Variants in MCTP1 observed in about 807,000 individuals in gnomAD.
MCTP1 encodes the protein multiple C2 and transmembrane domain-containing protein 1.
A neutral mutation model predicts 120.6 loss-of-function variants in MCTP1; 69 were observed. The observed-to-expected ratio is 0.57, with a 90% CI of 0.47 to 0.70. MCTP1 has a LOEUF of 0.70. MCTP1 is among the 30% of genes least tolerant of loss of function. The probability of loss-of-function intolerance (pLI) is 0.00; values close to 1 mark genes in which losing one functional copy is unlikely to be tolerated. For synonymous variants in MCTP1, 529 were observed against 493.1 expected, an observed-to-expected ratio of 1.07 and a Z score of -0.96; for missense variants, 1,203 against 1,248.8, an observed-to-expected ratio of 0.96 and a Z score of 0.55.
chr5:95,279,105 T>C (rs568478129), intron 1 of MCTP1, among the ~76,000 whole-genome samples: 162 of 152,348 alleles, frequency 1.1e-3, no homozygotes, highest in South Asian at 4.8e-3. Context: ...TAAAGTTATG[T>C]GGACATATTA....
intron 2 of MCTP1, among the ~76,000 whole-genome samples, chr5:95,003,124 G>T (rs1245750859): frequency 6.6e-6 from 1 of 152,142 alleles, no homozygotes; most frequent in Non-Finnish European, 1.5e-5. Flanking sequence ...TAAGTTTCCT[G>T]AGGCCTCCCC....
At chr5:94,825,587 A>T (rs1029595358) in intron 17 of MCTP1, among the ~76,000 whole-genome samples, 2 of 152,050 alleles carry the variant, frequency 1.3e-5, no homozygotes, top group Non-Finnish European at 2.9e-5. Flanking sequence ...TCAAGTCCTG[A>T]ACATCCCTGT....
chr5:95,044,640 G>A (rs562292667), intron 1 of MCTP1, among the ~76,000 whole-genome samples: 85 of 151,740 alleles, frequency 5.6e-4, no homozygotes, highest in Non-Finnish European at 1.1e-3. Context: ...TTTCCACTTT[G>A]ACCTCCCTCT....
intron 1 of MCTP1, among the ~76,000 whole-genome samples, chr5:95,079,139 T>C (rs1475288396): frequency 6.6e-6 from 1 of 152,172 alleles, no homozygotes; most frequent in Non-Finnish European, 1.5e-5. Flanking sequence ...ACCATCTCCA[T>C]AGCTTTCCTA....
At chr5:95,211,329 G>C (rs1408204621) in intron 1 of MCTP1, among the ~76,000 whole-genome samples, 1 of 152,066 alleles carries the variant, frequency 6.6e-6, no homozygotes, top group East Asian at 1.9e-4. Context: ...ACGTAGATTT[G>C]GTCTTTTCAC....
chr5:95,012,370 G>A (rs905634807), intron 2 of MCTP1, among the ~76,000 whole-genome samples: 1 of 152,094 alleles, frequency 6.6e-6, no homozygotes, highest in Non-Finnish European at 1.5e-5. Flanking sequence ...ATGGCCTGGA[G>A]TACATACATT....
At chr5:95,219,470 A>C (rs1413211576) in intron 1 of MCTP1, among the ~76,000 whole-genome samples, 1 of 152,194 alleles carries the variant, frequency 6.6e-6, no homozygotes, top group Admixed American at 6.5e-5. Context: ...GTAAATAATA[A>C]AGTCATGTGT....
chr5:95,013,264 G>T (rs1360986648), intron 2 of MCTP1, among the ~76,000 whole-genome samples: 1 of 152,136 alleles, frequency 6.6e-6, no homozygotes, highest in Non-Finnish European at 1.5e-5. Context: ...TTTAAGGAAA[G>T]AAGCCATCTC....
chr5:94,780,519 G>A (rs2152942162), intron 18 of MCTP1, among the ~76,000 whole-genome samples: 1 of 152,190 alleles, frequency 6.6e-6, no homozygotes, highest in Middle Eastern at 3.4e-3. Context: ...TTAATGTCAT[G>A]CTTTAAATCT....
chr5:94,967,484 A>G (rs1041143672), intron 2 of MCTP1, among the ~76,000 whole-genome samples: 1 of 152,200 alleles, frequency 6.6e-6, no homozygotes, highest in Non-Finnish European at 1.5e-5. Flanking sequence ...TAACTGCTAC[A>G]CTAGGCTGTC....
At chr5:95,268,185 C>T (rs558539629) in intron 1 of MCTP1, among the ~76,000 whole-genome samples, 3 of 152,290 alleles carry the variant, frequency 2.0e-5, no homozygotes, top group South Asian at 2.1e-4. Flanking sequence ...TCTATAAGAT[C>T]GTAAGCTCTA....
At chr5:94,935,990 A>G (rs763041695) in intron 5 of MCTP1, among the ~76,000 whole-genome samples, 5 of 152,034 alleles carry the variant, frequency 3.3e-5, no homozygotes, top group Non-Finnish European at 5.9e-5. Context: ...TAACCAAGAA[A>G]CTTCAAATGT....
At chr5:95,159,902 T>G (rs1451540718) in intron 1 of MCTP1, among the ~76,000 whole-genome samples, 1 of 151,998 alleles carries the variant, frequency 6.6e-6, no homozygotes, top group Non-Finnish European at 1.5e-5. Flanking sequence ...ACCAAGCAGA[T>G]AAGCAGGCAG....
At chr5:95,122,753 C>A (rs1368420482) in intron 1 of MCTP1, among the ~76,000 whole-genome samples, 1 of 152,174 alleles carries the variant, frequency 6.6e-6, no homozygotes, top group Admixed American at 6.5e-5. Flanking sequence ...ATCTAAGTGG[C>A]CATCACCAGA....
chr5:95,102,300 G>A (rs557088559), intron 1 of MCTP1, among the ~76,000 whole-genome samples: 168 of 152,306 alleles, frequency 1.1e-3, no homozygotes, highest in Non-Finnish European at 2.1e-3. Flanking sequence ...CTCCAGTCCA[G>A]CCAGTCTCAG....
At chr5:94,985,686 A>C (rs116257543) in intron 2 of MCTP1, among the ~76,000 whole-genome samples, 2,750 of 152,312 alleles carry the variant, frequency 0.018, 30 homozygotes, top group Non-Finnish European at 0.025. Flanking sequence ...GGCTAGAGTA[A>C]AATTTTAAAA....
chr5:94,968,087 T>C (rs1157155781), intron 2 of MCTP1, among the ~76,000 whole-genome samples: 2 of 152,170 alleles, frequency 1.3e-5, no homozygotes, highest in Admixed American at 1.3e-4. Flanking sequence ...ACTGGAGACA[T>C]TGTTCTTTTA....
chr5:95,045,487 A>C (rs367828105), intron 1 of MCTP1, among the ~76,000 whole-genome samples: 2 of 152,334 alleles, frequency 1.3e-5, no homozygotes, highest in Middle Eastern at 3.4e-3. Context: ...AATGAAGAAC[A>C]GTTCCTAGAG....
At chr5:95,046,488 T>A (rs545141357) in intron 1 of MCTP1, among the ~76,000 whole-genome samples, 1 of 152,304 alleles carries the variant, frequency 6.6e-6, no homozygotes, top group East Asian at 1.9e-4. Context: ...ACTCTATTCT[T>A]CATTTTTGTC....
Sources: gnomAD v4.1 joint callset for allele counts (sites outside exome capture counted in the v4.1 genomes callset) on GRCh38, gnomAD v4.1.1 for gene constraint, MANE v1.5 for transcripts, NCBI Gene and HGNC (gene_info 2026-07-23, HGNC 2026-07-21) for gene names.